The following TOGARAM1 variants were observed in gnomAD, a reference collection of about 807,000 sequenced individuals.
The protein encoded by TOGARAM1 is TOG array regulator of axonemal microtubules protein 1.
In TOGARAM1, 100 loss-of-function variants were observed where a neutral mutation model predicts 166.6. The observed-to-expected ratio is 0.60, with a 90% CI of 0.51 to 0.71. TOGARAM1 has a LOEUF of 0.71. TOGARAM1 is among the 30% of genes least tolerant of loss of function. TOGARAM1 has a pLI of 0.00. For missense variants in TOGARAM1, 2,029 were observed against 2,102.7 expected (o/e 0.96, Z 0.69); for synonymous variants, 758 against 763.8 (o/e 0.99, Z 0.13).
chr14:45,071,677 C>G (rs190225899), intron 18 of TOGARAM1, 35 bp from the exon 19 acceptor site: 2 of 1,477,096 alleles, frequency 1.4e-6, no homozygotes, highest in Non-Finnish European at 1.9e-6. Context: ...GCTCATTACT[C>G]TTTAAACATG....
chr14:45,027,353 C>T lies in TOGARAM1; in HGVS notation c.3383C>T (p.Ser1128Phe), dbSNP rs1198516464. The part of the protein sequence containing the change: ...APATCSQSVI[S>F]SVENGDTFSI... ...GCAACCTGCAGCCAATCAGTGATATCTTCTGTGGAAAATGGGGATACATTT... is the reference window on the plus strand; with the variant it reads ...GCAACCTGCAGCCAATCAGTGATATTTTCTGTGGAAAATGGGGATACATTT... The change falls in exon 9 of 20, where the codon TCT becomes TTT. Residue 1128 changes from serine to phenylalanine, a missense_variant. Transcript: ENST00000361462. 3.7e-6 allele frequency: 6 copies of T among 1,613,538 alleles called. No individual in the cohort carries two copies. The highest frequency in any genetic ancestry group is 5.1e-6 in the Non-Finnish European group (6 of 1,179,840).
At chr14:45,068,712 C>CT (rs1470185019) in intron 18 of TOGARAM1, 69 bp downstream of exon 18, 1 of 1,217,032 alleles carries the variant, frequency 8.2e-7, no homozygotes, top group Non-Finnish European at 1.1e-6. Flanking sequence ...TCCATCCATA[C>CT]TTTTTTTGTA....
At chr14:45,053,903 A>C (rs1177314361) in intron 15 of TOGARAM1, among the ~76,000 whole-genome samples, 1 of 150,940 alleles carries the variant, frequency 6.6e-6, no homozygotes, top group Non-Finnish European at 1.5e-5. Context: ...ATTTTGAAAC[A>C]GAGTCATGCT....
At chr14:44,979,385 G>C (rs1002135743) in intron 1 of TOGARAM1, among the ~76,000 whole-genome samples, 4 of 152,030 alleles carry the variant, frequency 2.6e-5, no homozygotes, top group African/African-American at 9.7e-5. Context: ...GTGTCCTTAT[G>C]GGGTGGAAGG....
At position 44,962,585 on chromosome 14, in the gene TOGARAM1, G is replaced by T. The variant is rs1326889530; in HGVS notation, c.164G>T (p.Gly55Val). ...EKNYYFRGAA[G>V]DHGSCPTTTS... ...AACTACTACTTCCGTGGAGCTGCGG[G>T]GGACCACGGTTCCTGCCCCACTACA... Residue 55 changes from glycine to valine, a missense_variant, in exon 1 of 20, where the codon GGG (glycine) becomes GTG (valine). Transcript: ENST00000361462. 6.2e-7 allele frequency: 1 copy of T among 1,613,886 alleles called. No individual in the cohort carries two copies. Among genetic ancestry groups the T allele is most frequent in the Non-Finnish European group, 8.5e-7 (1 of 1,179,818 alleles).
intron 13 of TOGARAM1, among the ~76,000 whole-genome samples, 197 bp from the exon 14 acceptor site, chr14:45,046,348 A>T (rs1882066499): frequency 6.6e-6 from 1 of 152,200 alleles, no homozygotes; most frequent in Non-Finnish European, 1.5e-5. Context: ...AGGCAGGAGG[A>T]TCACTTGAAC....
chr14:45,028,343 A>G lies in TOGARAM1; in HGVS notation c.3658+14A>G, dbSNP rs1478907022. 6.3e-7 allele frequency: 1 copy of G among 1,580,962 alleles called. No homozygotes were observed. The highest frequency in any genetic ancestry group is 8.5e-7 in the Non-Finnish European group (1 of 1,171,534). The stretch of plus-strand genomic sequence containing the variant: ...TGGCATCTGAAAGTAAGTGGAATTT[A>G]AGTTTTGGTATTTTTTTTTTCTAGT... On this transcript the variant is annotated intron_variant, in intron 10 of 19. Transcript: ENST00000361462.
intron 2 of TOGARAM1, among the ~76,000 whole-genome samples, chr14:44,997,886 A>G (rs1887507362): frequency 6.6e-6 from 1 of 152,196 alleles, no homozygotes; most frequent in Non-Finnish European, 1.5e-5. Flanking sequence ...AAGATATAGC[A>G]CCCAGGTAAT....
intron 16 of TOGARAM1, among the ~76,000 whole-genome samples, chr14:45,063,479 GTTTTTTTTTT>G (rs373702236): frequency 8.4e-6 from 1 of 118,690 alleles, no homozygotes; most frequent in Non-Finnish European, 1.7e-5. Context: ...ATTTGACAAA[GTTTTTTTTTT>G]TTTTTTTTTT....
intron 16 of TOGARAM1, among the ~76,000 whole-genome samples, chr14:45,062,533 T>C (rs781478080): frequency 6.6e-6 from 1 of 152,180 alleles, no homozygotes; most frequent in Non-Finnish European, 1.5e-5. Context: ...TGCAATTCAA[T>C]GTTTTTTAGT....
Position 45,044,775 on chromosome 14 carries a change from A to G in TOGARAM1, c.4059A>G (p.Thr1353=), listed in dbSNP as rs926374591. 2.5e-6 allele frequency: 4 copies of G among 1,614,166 alleles called. No individual in the cohort carries two copies. Among genetic ancestry groups the G allele is most frequent in the South Asian group, 1.1e-5 (1 of 91,086 alleles). The change falls in exon 13 of 20, where the codon ACA becomes ACG. Residue 1353 remains threonine, a synonymous_variant. Coordinates refer to ENST00000361462, the MANE Select transcript of TOGARAM1 (RefSeq NM_001308120.2). ...VLLHKAGESN[T]FIREDVDKAL... The stretch of plus-strand genomic sequence containing the variant: ...TGCACAAGGCTGGTGAATCAAATAC[A>G]TTTATAAGAGAAGATGTTGACAAAG...
chr14:45,032,502 C>A, intron 11 of TOGARAM1, 126 bp downstream of exon 11: 3 of 974,796 alleles, frequency 3.1e-6, no homozygotes, highest in South Asian at 1.7e-5. Flanking sequence ...AGTTCTTAGG[C>A]ATCAGAGTCT....
chr14:45,034,186 A>G (rs1302632052), intron 11 of TOGARAM1, among the ~76,000 whole-genome samples: 2 of 152,104 alleles, frequency 1.3e-5, no homozygotes, highest in East Asian at 1.9e-4. Context: ...CAAAAAAACA[A>G]TAGTTTTCAA....
At chr14:44,968,698 A>T (rs765584166) in intron 1 of TOGARAM1, among the ~76,000 whole-genome samples, 4 of 152,210 alleles carry the variant, frequency 2.6e-5, no homozygotes, top group Non-Finnish European at 5.9e-5. Context: ...GTGAACCCAT[A>T]TTAACATATA....
At position 45,005,589 on chromosome 14, in the gene TOGARAM1, G is replaced by C. The variant is rs570402009; in HGVS notation, c.2645-419G>C. On this transcript the variant is annotated intron_variant, in intron 4 of 19. Coordinates refer to ENST00000361462, the MANE Select transcript of TOGARAM1 (RefSeq NM_001308120.2). ...AGGTGGCACCACTGCACTCCAGCCT[G>C]GGCTACAAGAGTGAGACTCTGTCTC... Among the ~76,000 whole-genome samples, 6 of 152,186 alleles carry C rather than the reference G, an allele frequency of 3.9e-5. No homozygotes were observed. The East Asian group carries it at 1.2e-3, about 30-fold the overall frequency.
At chr14:44,995,712 A>G (rs764572354) in intron 1 of TOGARAM1, 34 bp from the exon 2 acceptor site, 2 of 1,460,828 alleles carry the variant, frequency 1.4e-6, no homozygotes, top group Non-Finnish European at 1.8e-6. Flanking sequence ...AAGAATTAAC[A>G]CAAATTTGCT....
Position 44,972,274 on chromosome 14 carries a change from G to GT in TOGARAM1, c.2046+7817dup, listed in dbSNP as rs369381342. On this transcript the variant is annotated intron_variant, in intron 1 of 19. Coordinates refer to ENST00000361462, the MANE Select transcript of TOGARAM1 (RefSeq NM_001308120.2). ...TTTAAATTTGTTAAAGTGTGTGTGT[G>GT]TTTTTTTTTTGCGATAGAACGTGGT... Among the ~76,000 whole-genome samples, 928 of 146,826 alleles carry GT rather than the reference G, an allele frequency of 6.3e-3. 10 individuals are homozygous for GT. The highest frequency in any genetic ancestry group is 0.049 in the East Asian group (246 of 5,054).
chr14:44,991,210 C>T (rs189468613), intron 1 of TOGARAM1, among the ~76,000 whole-genome samples: 2 of 152,066 alleles, frequency 1.3e-5, no homozygotes, highest in East Asian at 3.9e-4. Context: ...CTCCCACCTC[C>T]ACCTCTCAAA....
At chr14:44,971,808 G>C (rs566877414) in intron 1 of TOGARAM1, among the ~76,000 whole-genome samples, 1 of 152,118 alleles carries the variant, frequency 6.6e-6, no homozygotes, top group Non-Finnish European at 1.5e-5. Context: ...ATGTAACTTA[G>C]AAGTGTATTT....
Sources: gnomAD v4.1 joint callset for allele counts (sites outside exome capture counted in the v4.1 genomes callset) on GRCh38, gnomAD v4.1.1 for gene constraint, MANE v1.5 for transcripts, NCBI Gene and HGNC (gene_info 2026-07-23, HGNC 2026-07-21) for gene names.